The following ELAPOR1 variants were observed in gnomAD, a reference collection of about 807,000 sequenced individuals.
The protein encoded by ELAPOR1 is endosome/lysosome-associated apoptosis and autophagy regulator 1.
ELAPOR1 carries 77 observed loss-of-function variants against 119.7 expected under a neutral mutation model. That is an observed-to-expected ratio of 0.64 (90% CI 0.54 to 0.78). The LOEUF is 0.78. Ranked by LOEUF, ELAPOR1 falls within the 30% of genes least tolerant of loss-of-function variation. ELAPOR1 has a pLI of 0.00. For missense variants in ELAPOR1, 1,115 were observed against 1,270.4 expected, an observed-to-expected ratio of 0.88 and a Z score of 1.86; for synonymous variants, 481 against 487.2, an observed-to-expected ratio of 0.99 and a Z score of 0.17.
chr1:109,144,152 C>T (rs916242541), intron 1 of ELAPOR1, among the ~76,000 whole-genome samples: 4 of 147,700 alleles, frequency 2.7e-5, no homozygotes, highest in African/African-American at 7.5e-5. Context: ...CTCCACTTCC[C>T]GGGTTCAAGT....
At chr1:109,171,276 A>G (rs12080827) in intron 3 of ELAPOR1, among the ~76,000 whole-genome samples, 70,898 of 152,006 alleles carry the variant, frequency 0.47, 17,578 homozygotes, top group African/African-American at 0.65. Context: ...GACTAGGCGC[A>G]GTGGCTCATG....
intron 1 of ELAPOR1, among the ~76,000 whole-genome samples, chr1:109,152,952 CA>C (rs11392572): frequency 0.067 from 6,849 of 102,250 alleles, 157 homozygotes; most frequent in African/African-American, 0.1. Context: ...ACCCTGTCTC[CA>C]AAAAAAAAAA....
At chr1:109,127,210 CTTTTCT>C (rs1360054808) in intron 1 of ELAPOR1, among the ~76,000 whole-genome samples, 1 of 141,130 alleles carries the variant, frequency 7.1e-6, no homozygotes, top group Non-Finnish European at 1.5e-5. Context: ...TCTTTTTTTT[CTTTTCT>C]TTTTTTTTTT....
At chr1:109,181,458 T>C (rs750049306) in intron 7 of ELAPOR1, among the ~76,000 whole-genome samples, 3 of 152,112 alleles carry the variant, frequency 2.0e-5, no homozygotes, top group Admixed American at 6.5e-5. Flanking sequence ...GGAAAGGAGG[T>C]TGGTCTCAGC....
intron 1 of ELAPOR1, among the ~76,000 whole-genome samples, chr1:109,120,835 A>C (rs1448219515): frequency 6.6e-6 from 1 of 152,182 alleles, no homozygotes; most frequent in Non-Finnish European, 1.5e-5. Flanking sequence ...TGGACAGATG[A>C]ATTCTCATTC....
chr1:109,200,328 C>A, intron 20 of ELAPOR1, 91 bp downstream of exon 20: 2 of 1,460,456 alleles, frequency 1.4e-6, no homozygotes, highest in Non-Finnish European at 1.9e-6. Flanking sequence ...TGGGGTTTTT[C>A]TCTGGAGTTG....
chr1:109,199,098 G>A (rs1389487620), intron 18 of ELAPOR1, among the ~76,000 whole-genome samples: 7 of 152,198 alleles, frequency 4.6e-5, no homozygotes, highest in African/African-American at 1.4e-4. Context: ...ACTTTAGGAC[G>A]TTTCATGATC....
At position 109,164,449 on chromosome 1, in the gene ELAPOR1, G is replaced by A. The variant is rs750989042; in HGVS notation, c.275-50G>A. 3.3e-6 allele frequency: 5 copies of A among 1,520,734 alleles called. No homozygotes were observed. In the East Asian group the frequency reaches 1.1e-4, roughly 35 times the overall value. 94.2% of individuals were successfully genotyped at this position (1,520,734 alleles called of 1,614,324 possible). Reference sequence around the variant, plus strand: ...AGCTGCTCGCAGCCCATTCACTTCTGGGGCTGCAGTGACCTCACTGCCCCA... The same window carrying A: ...AGCTGCTCGCAGCCCATTCACTTCTAGGGCTGCAGTGACCTCACTGCCCCA... On this transcript the variant is annotated intron_variant, in intron 2 of 21. Transcript: ENST00000369939.
intron 7 of ELAPOR1, among the ~76,000 whole-genome samples, chr1:109,182,882 A>C (rs1181701859): frequency 1.3e-5 from 2 of 151,812 alleles, no homozygotes; most frequent in African/African-American, 4.8e-5. Context: ...AAAAAAAAAA[A>C]AAAATCTCAT....
chr1:109,164,835 C>A (rs1651487903), intron 3 of ELAPOR1, 144 bp downstream of exon 3: 3 of 745,946 alleles, frequency 4.0e-6, no homozygotes, highest in Non-Finnish European at 6.4e-6. Context: ...GTGAGGCCTG[C>A]AGCTGTGCCC....
At chr1:109,198,520 C>A in intron 17 of ELAPOR1, 53 bp from the exon 18 acceptor site, 1 of 1,487,744 alleles carries the variant, frequency 6.7e-7, no homozygotes, top group Non-Finnish European at 9.3e-7. Context: ...GGTGGCTGTC[C>A]AATAACACAG....
intron 3 of ELAPOR1, among the ~76,000 whole-genome samples, chr1:109,167,471 G>A (rs1462335947): frequency 2.0e-5 from 3 of 152,122 alleles, no homozygotes; most frequent in African/African-American, 7.2e-5. Flanking sequence ...TACCTAGAGC[G>A]CAAGTATTTG....
intron 7 of ELAPOR1, among the ~76,000 whole-genome samples, chr1:109,174,864 C>T (rs923942240): frequency 3.3e-5 from 5 of 152,026 alleles, no homozygotes; most frequent in Non-Finnish European, 5.9e-5. Context: ...TACAGGCGCC[C>T]GCCACTGCGC....
At position 109,205,735 on chromosome 1, in the gene ELAPOR1, C is replaced by A. The variant is rs1654446460; in HGVS notation, c.*2723C>A. 1 of 152,104 alleles carries A rather than the reference C, an allele frequency of 6.6e-6. No individual in the cohort carries two copies. The allele number at this position is 152,104 out of a possible 1,614,324, so 9.4% of individuals were successfully genotyped here. A position where few individuals can be genotyped will look rare whatever the true frequency, so the allele number is the denominator to read the frequency against. On this transcript the variant is annotated 3_prime_UTR_variant, in exon 22 of 22. Transcript: ENST00000369939. ...GTCTTTGACTTCTTTATTCTGACTC[C>A]ACTGATTTTAGCCATAATACTTTAA...
At chr1:109,149,623 T>C (rs1650406768) in intron 1 of ELAPOR1, among the ~76,000 whole-genome samples, 1 of 152,198 alleles carries the variant, frequency 6.6e-6, no homozygotes. Flanking sequence ...AAAGCTACTA[T>C]GTCAGGTGCT....
chr1:109,130,459 G>A (rs1254248072), intron 1 of ELAPOR1, among the ~76,000 whole-genome samples: 3 of 151,636 alleles, frequency 2.0e-5, no homozygotes, highest in African/African-American at 4.8e-5. Context: ...AGTCTCTCAG[G>A]TGGAAAGAAT....
chr1:109,121,086 C>T (rs2100958865), intron 1 of ELAPOR1, among the ~76,000 whole-genome samples: 1 of 152,272 alleles, frequency 6.6e-6, no homozygotes, highest in Admixed American at 6.5e-5. Flanking sequence ...GTACAGTTTA[C>T]AAAATTTTGA....
chr1:109,185,114 C>A lies in ELAPOR1; in HGVS notation c.1022C>A (p.Ala341Asp). 6.2e-7 allele frequency: 1 copy of A among 1,613,796 alleles called. No homozygotes were observed. The highest frequency in any genetic ancestry group is 8.5e-7 in the Non-Finnish European group (1 of 1,179,662). The change falls in exon 8 of 22, where the codon GCC becomes GAC. Residue 341 changes from alanine to aspartate, a missense_variant. Ala to Asp is a moderately radical substitution (Grantham distance 126). Transcript: ENST00000369939. The stretch of plus-strand genomic sequence containing the variant: ...AAAGATTATTTCTACACACACACGG[C>A]CTGCGATGCCAACGGAGAGGTGGGT... ...TDKDYFYTHT[A>D]CDANGETQLM...
chr1:109,184,307 G>A (rs1652921353), intron 7 of ELAPOR1, among the ~76,000 whole-genome samples: 1 of 152,062 alleles, frequency 6.6e-6, no homozygotes, highest in African/African-American at 2.4e-5. Flanking sequence ...GGAGGCGGAG[G>A]TTGCAGTGAG....
Sources: gnomAD v4.1 joint callset for allele counts (sites outside exome capture counted in the v4.1 genomes callset) on GRCh38, gnomAD v4.1.1 for gene constraint, MANE v1.5 for transcripts, NCBI Gene and HGNC (gene_info 2026-07-23, HGNC 2026-07-21) for gene names.